The following TOPAZ1 variants were observed in gnomAD, a reference collection of about 807,000 sequenced individuals.
The protein encoded by TOPAZ1 is protein TOPAZ1.
TOPAZ1 carries 66 observed loss-of-function variants against 172.2 expected under a neutral mutation model. The ratio of observed to expected loss-of-function variants is 0.38; its 90% CI spans 0.31 to 0.47. The LOEUF is 0.47. TOPAZ1 is among the 20% of genes least tolerant of loss of function. TOPAZ1 has a pLI of 0.99. For synonymous variants in TOPAZ1, 681 were observed against 683.9 expected (o/e 1.00, Z 0.07); for missense variants, 1,822 against 1,972.4 (o/e 0.92, Z 1.44).
Position 44,242,874 on chromosome 3 carries a change from C to T in TOPAZ1, c.368C>T (p.Thr123Ile). The change falls in exon 2 of 20, where the codon ACT becomes ATT. Residue 123 changes from threonine to isoleucine, a missense_variant. Around this residue, in one of 2 missense-constraint regions of TOPAZ1, gnomAD observed 1,489 missense variants for 1,490.8 expected, o/e 1.00. Coordinates refer to ENST00000309765, the MANE Select transcript of TOPAZ1 (RefSeq NM_001145030.2). Reference protein sequence around the residue: ...ERHTKEKRKVTEASSDDPQPG... With the variant: ...ERHTKEKRKVIEASSDDPQPG... ...TCAGCCAAGGAAAAAAGAAAAGTTA[C>T]TGAAGCCTCAAGTGATGATCCACAG... 2 of 1,505,330 alleles carry T rather than the reference C, an allele frequency of 1.3e-6. No homozygotes were observed. Among genetic ancestry groups the T allele is most frequent in the Non-Finnish European group, 1.8e-6 (2 of 1,131,850 alleles). 93.2% of individuals were successfully genotyped at this position (1,505,330 alleles called of 1,614,324 possible). A position where few individuals can be genotyped will look rare whatever the true frequency, so the allele number is the denominator to read the frequency against.
chr3:44,309,568 G>A (rs914481170), intron 15 of TOPAZ1, among the ~76,000 whole-genome samples: 1 of 152,200 alleles, frequency 6.6e-6, no homozygotes, highest in Non-Finnish European at 1.5e-5. Flanking sequence ...TAAAAAGAAG[G>A]CTTCTGATAA....
intron 8 of TOPAZ1, among the ~76,000 whole-genome samples, chr3:44,275,455 G>T (rs1287204596): frequency 1.3e-5 from 2 of 152,012 alleles, no homozygotes; most frequent in Non-Finnish European, 2.9e-5. Context: ...TATGGTATAT[G>T]TGTCTTTGTG....
chr3:44,272,095 A>T (rs1325005168), intron 8 of TOPAZ1, among the ~76,000 whole-genome samples: 2 of 152,128 alleles, frequency 1.3e-5, no homozygotes, highest in African/African-American at 4.8e-5. Context: ...TATAAGGCTG[A>T]ATAGTATTTC....
intron 8 of TOPAZ1, among the ~76,000 whole-genome samples, chr3:44,273,819 T>C (rs1423468453): frequency 1.3e-5 from 2 of 152,288 alleles, no homozygotes; most frequent in East Asian, 3.9e-4. Flanking sequence ...GGATGTGTTG[T>C]AAAATATGAG....
intron 2 of TOPAZ1, among the ~76,000 whole-genome samples, chr3:44,247,273 A>AC (rs1699577303): frequency 6.6e-6 from 1 of 152,226 alleles, no homozygotes; most frequent in South Asian, 2.1e-4. Flanking sequence ...GAGGCAGAGA[A>AC]ATCAAAGTGG....
chr3:44,245,140 T>C lies in TOPAZ1; in HGVS notation c.2634T>C (p.Asn878=), dbSNP rs184177771. 5,378 of 1,551,992 alleles carry C rather than the reference T, an allele frequency of 3.5e-3. 43 individuals carry two copies. Among genetic ancestry groups the C allele is most frequent in the Middle Eastern group, 8.3e-3 (50 of 5,994 alleles). The change falls in exon 2 of 20, where the codon AAT becomes AAC. Residue 878 remains asparagine, a synonymous_variant. Transcript: ENST00000309765. The part of the protein sequence containing the change: ...QDDPDLFGVS[N]EGELSFTSEV... ...ACCCAGACCTCTTTGGAGTCTCCAA[T>C]GAAGGGGAGCTCTCATTTACTTCTG...
chr3:44,244,538 A>G lies in TOPAZ1; in HGVS notation c.2032A>G (p.Ile678Val), dbSNP rs1213672423. Residue 678 changes from isoleucine to valine, a missense_variant, in exon 2 of 20, where the codon ATA (isoleucine) becomes GTA (valine). Coordinates refer to ENST00000309765, the MANE Select transcript of TOPAZ1 (RefSeq NM_001145030.2). Reference protein sequence around the residue: ...QTFIVPDLVKILNTGRLTNFK... With the variant: ...QTFIVPDLVKVLNTGRLTNFK... ...ATTTATAGTTCCAGACTTGGTTAAA[A>G]TATTGAACACAGGACGGCTGACTAA... 1.3e-6 allele frequency: 2 copies of G among 1,550,750 alleles called. No individual in the cohort carries two copies. Among genetic ancestry groups the G allele is most frequent in the Non-Finnish European group, 8.7e-7 (1 of 1,146,832 alleles).
Position 44,328,231 on chromosome 3 carries a change from CTAT to C in TOPAZ1, c.4676-14_4676-12del. 6.9e-7 allele frequency: 1 copy of C among 1,451,190 alleles called. No homozygotes were observed. The highest frequency in any genetic ancestry group is 9.1e-7 in the Non-Finnish European group (1 of 1,104,904). The allele number at this position is 1,451,190 out of a possible 1,614,324, so 89.9% of individuals were successfully genotyped here. A position where few individuals can be genotyped will look rare whatever the true frequency, so the allele number is the denominator to read the frequency against. Reference sequence around the variant, plus strand: ...CTATTGGGTTTTAGTAAAGTTTGACCTATTATTTGATTTTTCAGGTGCTCTTTC... The same window carrying C: ...CTATTGGGTTTTAGTAAAGTTTGACCTATTTGATTTTTCAGGTGCTCTTTC... On this transcript the variant is annotated splice_polypyrimidine_tract_variant and intron_variant, in intron 18 of 19. Coordinates refer to ENST00000309765, the MANE Select transcript of TOPAZ1 (RefSeq NM_001145030.2).
At chr3:44,311,643 A>G (rs1330056891) in intron 16 of TOPAZ1, among the ~76,000 whole-genome samples, 1 of 152,184 alleles carries the variant, frequency 6.6e-6, no homozygotes, top group East Asian at 1.9e-4. Flanking sequence ...AGTAATTTTC[A>G]TAAGTAAAAT....
intron 9 of TOPAZ1, among the ~76,000 whole-genome samples, chr3:44,283,486 G>A (rs1348442651): frequency 3.3e-5 from 5 of 152,216 alleles, no homozygotes; most frequent in Non-Finnish European, 7.3e-5. Flanking sequence ...CCATTTTGGT[G>A]CACAAGAGGA....
At chr3:44,255,629 G>C (rs970557685) in intron 3 of TOPAZ1, among the ~76,000 whole-genome samples, 1 of 144,022 alleles carries the variant, frequency 6.9e-6, no homozygotes, top group African/African-American at 2.6e-5. Flanking sequence ...TCCAGCCTGG[G>C]CAACAGTGCG....
At chr3:44,249,344 T>G (rs528816552) in intron 2 of TOPAZ1, among the ~76,000 whole-genome samples, 1 of 152,048 alleles carries the variant, frequency 6.6e-6, no homozygotes, top group Non-Finnish European at 1.5e-5. Context: ...AAAGAAATCT[T>G]GGAAAAGCAA....
At chr3:44,271,503 A>C (rs956551761) in intron 8 of TOPAZ1, among the ~76,000 whole-genome samples, 4 of 152,202 alleles carry the variant, frequency 2.6e-5, no homozygotes, top group African/African-American at 9.6e-5. Flanking sequence ...ATAATTAATC[A>C]TATAATCTGT....
In TOPAZ1 at chr3:44,332,025, CTT is replaced by C. The variant is rs58971114; in HGVS notation, c.*28_*29del. ...AGTAACCATTAGCTAATAAAGTCTGCTTTTTTTTTTTTTTTAGTTCAAGTAAT... is the reference window on the plus strand; with the variant it reads ...AGTAACCATTAGCTAATAAAGTCTGCTTTTTTTTTTTTTAGTTCAAGTAAT... On this transcript the variant is annotated 3_prime_UTR_variant, in exon 20 of 20. Coordinates refer to ENST00000309765, the MANE Select transcript of TOPAZ1 (RefSeq NM_001145030.2). 54,064 of 1,252,246 alleles carry C rather than the reference CTT, an allele frequency of 0.043. No homozygotes were observed. Among genetic ancestry groups the C allele is most frequent in the South Asian group, 0.066 (4,292 of 65,048 alleles). The allele number at this position is 1,252,246 out of a possible 1,614,324, so 77.6% of individuals were successfully genotyped here.
At chr3:44,304,671 T>G (rs1700314655) in intron 13 of TOPAZ1, among the ~76,000 whole-genome samples, 1 of 152,242 alleles carries the variant, frequency 6.6e-6, no homozygotes, top group African/African-American at 2.4e-5. Context: ...ATAAGTTGAT[T>G]GAAATTTACT....
chr3:44,330,992 T>C (rs1700661117), intron 19 of TOPAZ1, among the ~76,000 whole-genome samples: 1 of 152,218 alleles, frequency 6.6e-6, no homozygotes, highest in South Asian at 2.1e-4. Context: ...TTACCAAATA[T>C]TAGCTACATA....
chr3:44,262,306 A>G (rs1699783616), intron 4 of TOPAZ1, 113 bp from the exon 5 acceptor site: 1 of 420,258 alleles, frequency 2.4e-6, no homozygotes, highest in Non-Finnish European at 4.3e-6. Flanking sequence ...TTGGCCATAA[A>G]CTAGTTATTT....
chr3:44,264,869 C>A (rs527654870), intron 5 of TOPAZ1, among the ~76,000 whole-genome samples: 1 of 152,188 alleles, frequency 6.6e-6, no homozygotes, highest in Admixed American at 6.5e-5. Context: ...AACTCTTAAT[C>A]CATTCAAGTT....
rs751189829 is a variant in TOPAZ1, at chr3:44,242,388, C to G, written c.335C>G (p.Thr112Arg). 9 of 1,552,278 alleles carry G rather than the reference C, an allele frequency of 5.8e-6. No individual in the cohort carries two copies. Among genetic ancestry groups the G allele is most frequent in the Non-Finnish European group, 7.8e-6 (9 of 1,147,122 alleles). ...AAKEAELPLQ[T>R]ERHTKEKRKV... is the part of the protein sequence containing the mutation. ...AAGGAGGCTGAACTCCCCTTGCAAA[C>G]GGAAAGACACAGTAAGAAAGCATCC... The change falls in exon 1 of 20, where the codon ACG (threonine) becomes AGG (arginine). Residue 112 changes from threonine (T) to arginine (R), a missense_variant. Around this residue, in one of 2 missense-constraint regions of TOPAZ1, gnomAD observed 1,489 missense variants for 1,490.8 expected, o/e 1.00. Coordinates refer to ENST00000309765, the MANE Select transcript of TOPAZ1 (RefSeq NM_001145030.2).
Sources: gnomAD v4.1 joint callset for allele counts (sites outside exome capture counted in the v4.1 genomes callset) on GRCh38, gnomAD v4.1.1 for gene constraint, gnomAD v4.1.1 regional missense constraint, MANE v1.5 for transcripts, NCBI Gene and HGNC (gene_info 2026-07-23, HGNC 2026-07-21) for gene names.